PAAF1: variants seen among roughly 807,000 people sequenced by gnomAD.
The protein encoded by PAAF1 is proteasomal ATPase associated factor 1, also known as proteasomal ATPase-associated factor 1.
In PAAF1, 46 loss-of-function variants were observed where a neutral mutation model predicts 52.8. That is an observed-to-expected ratio of 0.87 (90% CI 0.69 to 1.11). The LOEUF (loss-of-function observed/expected upper bound fraction) is 1.11. PAAF1 is among the 50% of genes most tolerant of loss of function. The probability of loss-of-function intolerance (pLI) is 0.00; values close to 1 mark genes in which losing one functional copy is unlikely to be tolerated. For missense variants in PAAF1, 424 were observed against 477.4 expected (o/e 0.89, Z 1.04); for synonymous variants, 178 against 172.8 (o/e 1.03, Z -0.24).
At chr11:73,901,267 C>T (rs1318881585) in intron 6 of PAAF1, among the ~76,000 whole-genome samples, 1 of 152,046 alleles carries the variant, frequency 6.6e-6, no homozygotes, top group Non-Finnish European at 1.5e-5. Context: ...AGCCATATAA[C>T]CAGTTAATAT....
intron 6 of PAAF1, among the ~76,000 whole-genome samples, chr11:73,902,357 C>G (rs1565139037): frequency 6.6e-6 from 1 of 152,248 alleles, no homozygotes. Context: ...TCCTGAAGAA[C>G]TGAGAGATTG....
intron 11 of PAAF1, among the ~76,000 whole-genome samples, chr11:73,925,156 C>CAA (rs34408861): frequency 1.1e-3 from 67 of 61,730 alleles, no homozygotes; most frequent in African/African-American, 3.0e-3. Context: ...GACTCCATCT[C>CAA]AAAAAAAAAA....
intron 6 of PAAF1, 22 bp from the exon 7 acceptor site, chr11:73,909,377 G>C (rs1591103247): frequency 1.9e-6 from 3 of 1,611,854 alleles, no homozygotes; most frequent in Non-Finnish European, 2.5e-6. Flanking sequence ...CTCCATCTTA[G>C]GGAGTTTTTT....
chr11:73,887,409 C>T lies in PAAF1; in HGVS notation c.144C>T (p.Ile48=). Residue 48 remains isoleucine (I), a synonymous_variant, in exon 3 of 12, where the codon ATC becomes ATT. Transcript: ENST00000310571. ...GTCAAGGAATTGGCCTAGATGGCAT[C>T]CCAGAGGTTACAGCTTCAGAAGGAT... is the stretch of plus-strand genomic sequence containing the variant. ...LTCQGIGLDG[I]PEVTASEGFT... The T allele has an allele frequency of 1.2e-6, 2 of 1,612,574 alleles. No homozygotes were observed. The highest frequency in any genetic ancestry group is 8.5e-7 in the Non-Finnish European group (1 of 1,179,428).
intron 4 of PAAF1, among the ~76,000 whole-genome samples, chr11:73,894,194 G>A (rs192039345): frequency 6.6e-6 from 1 of 152,296 alleles, no homozygotes; most frequent in Non-Finnish European, 1.5e-5. Context: ...CACCTTTTGA[G>A]AAGTAAGTCA....
chr11:73,879,610 A>G (rs1479944068), intron 2 of PAAF1: 5 of 152,148 alleles, frequency 3.3e-5, no homozygotes, highest in Non-Finnish European at 5.9e-5. Flanking sequence ...TCACACCTGT[A>G]ATCCTAGCAC....
At chr11:73,896,765 T>C (rs1369809221) in intron 4 of PAAF1, among the ~76,000 whole-genome samples, 16 of 152,046 alleles carry the variant, frequency 1.1e-4, no homozygotes, top group East Asian at 5.8e-4. Flanking sequence ...CTTTCTATTC[T>C]ACAAAACCGC....
chr11:73,892,156 C>T (rs2135148626), intron 4 of PAAF1, among the ~76,000 whole-genome samples: 1 of 152,046 alleles, frequency 6.6e-6, no homozygotes, highest in Admixed American at 6.6e-5. Context: ...AACTCTGTCT[C>T]TACAGAAAAA....
intron 3 of PAAF1, chr11:73,889,239 T>C: frequency 6.9e-7 from 1 of 1,441,606 alleles, no homozygotes; most frequent in Non-Finnish European, 9.1e-7. Context: ...CTGAGTGGGT[T>C]CAGACAGTAA....
At chr11:73,907,416 T>G (rs1239292973) in intron 6 of PAAF1, among the ~76,000 whole-genome samples, 3 of 152,144 alleles carry the variant, frequency 2.0e-5, no homozygotes, top group Non-Finnish European at 4.4e-5. Flanking sequence ...GAAGTTCAGC[T>G]TCCCCCTTGG....
At chr11:73,914,345 T>C (rs1443025600) in intron 7 of PAAF1, 68 bp from the exon 8 acceptor site, 4 of 1,283,076 alleles carry the variant, frequency 3.1e-6, no homozygotes, top group East Asian at 4.6e-5. Context: ...ACCATCAGTA[T>C]TGGTGCTGTG....
intron 4 of PAAF1, among the ~76,000 whole-genome samples, chr11:73,896,871 C>T (rs974932203): frequency 6.6e-5 from 10 of 151,446 alleles, no homozygotes; most frequent in Non-Finnish European, 1.2e-4. Context: ...CCAGTAGGCG[C>T]GGCCAGGCAG....
intron 2 of PAAF1, among the ~76,000 whole-genome samples, chr11:73,882,573 A>G (rs1180049947): frequency 6.6e-6 from 1 of 151,612 alleles, no homozygotes; most frequent in Non-Finnish European, 1.5e-5. Flanking sequence ...CAGCCTCCCA[A>G]GTAGCTGGGA....
chr11:73,926,365 TC>T (rs1950357760), intron 11 of PAAF1, among the ~76,000 whole-genome samples: 2 of 152,206 alleles, frequency 1.3e-5, no homozygotes, highest in Non-Finnish European at 2.9e-5. Context: ...CCCAAAGTGC[TC>T]GGATTACAGG....
intron 7 of PAAF1, among the ~76,000 whole-genome samples, chr11:73,910,633 C>T (rs1949903215): frequency 6.6e-6 from 1 of 152,080 alleles, no homozygotes; most frequent in East Asian, 1.9e-4. Context: ...GTCTTAGCCC[C>T]TCACATTTTA....
chr11:73,897,203 C>G (rs1484918653), intron 4 of PAAF1, among the ~76,000 whole-genome samples: 1 of 135,024 alleles, frequency 7.4e-6, no homozygotes, highest in Non-Finnish European at 1.6e-5. Context: ...CCACCTCCCT[C>G]CCGGACGGGG....
At chr11:73,876,910 T>G, upstream of PAAF1, 2 of 1,109,616 alleles carry the variant, frequency 1.8e-6, no homozygotes, top group Non-Finnish European at 2.4e-6. Flanking sequence ...AAAGTCACGT[T>G]TTCATTGGTG....
chr11:73,877,311 G>A (rs1948769097), intron 1 of PAAF1: 2 of 361,686 alleles, frequency 5.5e-6, no homozygotes, highest in Non-Finnish European at 9.9e-6. Flanking sequence ...GTATCAGTGA[G>A]TTGGAGAAAG....
intron 4 of PAAF1, among the ~76,000 whole-genome samples, chr11:73,895,451 C>G (rs1439174579): frequency 6.6e-6 from 1 of 152,184 alleles, no homozygotes; most frequent in Non-Finnish European, 1.5e-5. Context: ...GGATCCACTA[C>G]TAAGTTAGCA....
Sources: gnomAD v4.1 joint callset for allele counts (sites outside exome capture counted in the v4.1 genomes callset) on GRCh38, gnomAD v4.1.1 for gene constraint, MANE v1.5 for transcripts, NCBI Gene and HGNC (gene_info 2026-07-23, HGNC 2026-07-21) for gene names.